NOX4: variants seen among roughly 807,000 people sequenced by gnomAD.
NOX4 encodes the protein kidney oxidase-1.
Under a neutral mutation model 87.6 loss-of-function variants are expected in NOX4, and 69 were observed. That is an observed-to-expected ratio of 0.79 (90% CI 0.65 to 0.96). The LOEUF (loss-of-function observed/expected upper bound fraction) is 0.96. NOX4 is among the 40% of genes least tolerant of loss of function. The probability of loss-of-function intolerance (pLI) is 0.00; values close to 1 mark genes in which losing one functional copy is unlikely to be tolerated. For missense variants in NOX4, 680 were observed against 681.5 expected (o/e 1.00, Z 0.02); for synonymous variants, 275 against 238.2 (o/e 1.15, Z -1.42).
At chr11:89,402,257 T>C in intron 9 of NOX4, 69 bp downstream of exon 9, 2 of 1,165,084 alleles carry the variant, frequency 1.7e-6, no homozygotes. Flanking sequence ...GAAAAACACA[T>C]TTATATGTGA....
chr11:89,467,299 C>A (rs1465628475), intron 2 of NOX4, among the ~76,000 whole-genome samples: 4 of 138,096 alleles, frequency 2.9e-5, no homozygotes, highest in Non-Finnish European at 4.5e-5. Flanking sequence ...TGCAGTGAGG[C>A]CAGATCGCAC....
chr11:89,419,181 T>C (rs967943567), intron 8 of NOX4, among the ~76,000 whole-genome samples: 2 of 151,964 alleles, frequency 1.3e-5, no homozygotes, highest in Non-Finnish European at 2.9e-5. Context: ...ACTTACCACA[T>C]TGATGGACAG....
At chr11:89,336,130 T>C (rs1318654178) in intron 16 of NOX4, 185 bp from the exon 17 acceptor site, 4 of 407,782 alleles carry the variant, frequency 9.8e-6, no homozygotes, top group Non-Finnish European at 1.8e-5. Context: ...TCTTTTAAAA[T>C]TCATTATCTC....
At chr11:89,436,450 A>AT (rs994824867) in intron 6 of NOX4, among the ~76,000 whole-genome samples, 6 of 152,140 alleles carry the variant, frequency 3.9e-5, no homozygotes, top group Non-Finnish European at 5.9e-5. Context: ...TCTCCTGTGA[A>AT]TTTTTTTAGT....
At chr11:89,491,464 C>G, upstream of NOX4, 2 of 529,940 alleles carry the variant, frequency 3.8e-6, 1 homozygote. Context: ...CCCACCCGCA[C>G]CGGGTCAGCT....
intron 7 of NOX4, among the ~76,000 whole-genome samples, chr11:89,427,922 T>A (rs1943537574): frequency 6.6e-6 from 1 of 152,124 alleles, no homozygotes; most frequent in South Asian, 2.1e-4. Context: ...AATTGTCAGA[T>A]TCACCAAAGT....
At chr11:89,413,226 G>T (rs1008257862) in intron 8 of NOX4, among the ~76,000 whole-genome samples, 1 of 152,152 alleles carries the variant, frequency 6.6e-6, no homozygotes, top group African/African-American at 2.4e-5. Flanking sequence ...TACACTGTTG[G>T]TGGGAATGTA....
chr11:89,454,228 A>C (rs1423530959), intron 2 of NOX4, among the ~76,000 whole-genome samples: 1 of 152,148 alleles, frequency 6.6e-6, no homozygotes, highest in African/African-American at 2.4e-5. Flanking sequence ...CCTCAAGACC[A>C]GGGTAAATAT....
intron 8 of NOX4, among the ~76,000 whole-genome samples, chr11:89,420,622 G>T (rs1289727362): frequency 6.6e-6 from 1 of 151,974 alleles, no homozygotes; most frequent in Non-Finnish European, 1.5e-5. Flanking sequence ...AAAAGCCAAA[G>T]CAACAGTTTG....
At position 89,343,761 on chromosome 11, in the gene NOX4, A is replaced by G. The variant is rs182157241; in HGVS notation, c.1218-1568T>C. On this transcript the variant is annotated intron_variant, in intron 13 of 17. Transcript: ENST00000263317. The stretch of plus-strand genomic sequence containing the variant: ...TGTAGAAATTAAAGGCAACTCTTTA[A>G]AGTCTTGCTATAACATAGTAGAGAT... Among the ~76,000 whole-genome samples the G allele has an allele frequency of 1.1e-3, 163 of 152,234 alleles. 1 individual carries two copies. Among genetic ancestry groups the G allele is most frequent in the African/African-American group, 3.8e-3 (157 of 41,570 alleles).
At position 89,329,450 on chromosome 11, in the gene NOX4, T is replaced by C. The variant is rs59572971; in HGVS notation, c.1617-2574A>G. On this transcript the variant is annotated intron_variant, in intron 17 of 17. Transcript: ENST00000263317. ...TAGTCAAAAATACATGTAACTGCAG[T>C]CCAACATGAGAGAAGACCAAGGGAG... Among the ~76,000 whole-genome samples, 928 of 122,800 alleles carry C rather than the reference T, an allele frequency of 7.6e-3. 11 individuals carry two copies. The highest frequency in any genetic ancestry group is 0.027 in the African/African-American group (871 of 31,910). 80.6% of individuals were successfully genotyped at this position (122,800 alleles called of 152,430 possible).
chr11:89,585,012 G>A, the NOX4 span, among the ~76,000 whole-genome samples: 1 of 152,044 alleles, frequency 6.6e-6, no homozygotes, highest in Non-Finnish European at 1.5e-5. Flanking sequence ...ATGCAGTAAT[G>A]TCCCCAGGCT....
the NOX4 span, among the ~76,000 whole-genome samples, chr11:89,551,451 A>G: frequency 5.3e-5 from 8 of 152,134 alleles, no homozygotes; most frequent in African/African-American, 1.2e-4. Context: ...ATGTTTTTCC[A>G]TTTGTTTGTG....
At chr11:89,488,590 A>T (rs1591374485) in intron 2 of NOX4, among the ~76,000 whole-genome samples, 1 of 152,182 alleles carries the variant, frequency 6.6e-6, no homozygotes, top group East Asian at 1.9e-4. Flanking sequence ...TATCTCACAA[A>T]GCTAAAATCC....
intron 2 of NOX4, among the ~76,000 whole-genome samples, chr11:89,466,783 T>C (rs1050658905): frequency 2.0e-5 from 3 of 152,084 alleles, no homozygotes; most frequent in African/African-American, 7.2e-5. Flanking sequence ...CAGATCTAAA[T>C]GGGAAGATCA....
intron 7 of NOX4, among the ~76,000 whole-genome samples, chr11:89,427,821 C>T (rs1190274730): frequency 1.3e-5 from 2 of 152,112 alleles, no homozygotes; most frequent in Admixed American, 1.3e-4. Flanking sequence ...GAGAACTTCC[C>T]CAACCTAGTA....
chr11:89,464,544 G>T (rs11018623), intron 2 of NOX4, among the ~76,000 whole-genome samples: 2 of 151,806 alleles, frequency 1.3e-5, no homozygotes. Context: ...TAATCCATAA[G>T]CTTCACAAGC....
chr11:89,521,295 C>A, the NOX4 span, among the ~76,000 whole-genome samples: 1 of 151,940 alleles, frequency 6.6e-6, no homozygotes, highest in Non-Finnish European at 1.5e-5. Flanking sequence ...TGTAAGGCTG[C>A]AATAACCAAA....
At chr11:89,491,616 C>A, upstream of NOX4, 1 of 264,048 alleles carries the variant, frequency 3.8e-6, no homozygotes, top group Non-Finnish European at 7.1e-6. Context: ...CGGGTGGGAA[C>A]TTGGAGGCGT....
Sources: gnomAD v4.1 joint callset for allele counts (sites outside exome capture counted in the v4.1 genomes callset) on GRCh38, gnomAD v4.1.1 for gene constraint, MANE v1.5 for transcripts, NCBI Gene and HGNC (gene_info 2026-07-23, HGNC 2026-07-21) for gene names.